ANOS1: variants seen among roughly 807,000 people sequenced by gnomAD.
The protein encoded by ANOS1 is anosmin-1.
A neutral mutation model predicts 59.0 loss-of-function variants in ANOS1; 6 were observed. That is an observed-to-expected ratio of 0.10 (90% CI 0.06 to 0.20). ANOS1 has a LOEUF of 0.20. ANOS1 is among the 10% of genes least tolerant of loss of function. The pLI, the probability that ANOS1 is intolerant of heterozygous loss-of-function variation, is 1.00. For synonymous variants in ANOS1, 217 were observed against 223.4 expected (o/e 0.97, Z 0.25); for missense variants, 433 against 542.3 (o/e 0.80, Z 2.00).
At chrX:8,678,209 T>C (rs1932366088) in intron 2 of ANOS1, among the ~76,000 whole-genome samples, 1 of 112,577 alleles carries the variant, frequency 8.9e-6, no homozygotes. Context: ...TCACTTTCAT[T>C]TGAGGAGTGA....
In ANOS1 at chrX:8,731,824, C is replaced by G; in HGVS notation, c.207+6G>C. On this transcript the variant is annotated splice_donor_region_variant and intron_variant, in intron 1 of 13. Coordinates refer to ENST00000262648, the MANE Select transcript of ANOS1 (RefSeq NM_000216.4). ...AGAAAGAACCCGGGCGGGGGCCTCC[C>G]CGTACCTGGAAGTGCTGGAAGAAGG... 7.6e-6 allele frequency: 9 copies of G among 1,187,867 alleles called. No homozygotes were observed. Among genetic ancestry groups the G allele is most frequent in the Non-Finnish European group, 1.0e-5 (9 of 884,504 alleles).
intron 2 of ANOS1, among the ~76,000 whole-genome samples, chrX:8,675,135 A>G (rs1371252947): frequency 9.0e-6 from 1 of 111,382 alleles, no homozygotes; most frequent in African/African-American, 3.3e-5. Flanking sequence ...TGTACATCCT[A>G]TACAAGAAAT....
chrX:8,583,080 G>C (rs1227898543), intron 6 of ANOS1, among the ~76,000 whole-genome samples: 2 of 109,508 alleles, frequency 1.8e-5, no homozygotes, highest in Non-Finnish European at 3.8e-5. Flanking sequence ...TCCAGAAAGA[G>C]AGTAATCATT....
chrX:8,596,501 C>T (rs73199026), intron 4 of ANOS1, among the ~76,000 whole-genome samples: 6,642 of 111,764 alleles, frequency 0.059, 190 homozygotes, highest in Admixed American at 0.12. Context: ...TTTGCTAAAC[C>T]GTTTGATAAA....
intron 1 of ANOS1, among the ~76,000 whole-genome samples, chrX:8,703,798 A>G (rs1327435981): frequency 8.9e-6 from 1 of 111,894 alleles, no homozygotes; most frequent in Non-Finnish European, 1.9e-5. Flanking sequence ...CAGGATTTTC[A>G]TTACACAAGA....
chrX:8,672,370 C>A (rs1293517916), intron 2 of ANOS1, among the ~76,000 whole-genome samples: 1 of 112,193 alleles, frequency 8.9e-6, no homozygotes, highest in Non-Finnish European at 1.9e-5. Flanking sequence ...GCTGAGGACA[C>A]CCTGCTGGTA....
At chrX:8,704,817 T>G (rs1257246417) in intron 1 of ANOS1, among the ~76,000 whole-genome samples, 1 of 111,789 alleles carries the variant, frequency 8.9e-6, no homozygotes, top group Non-Finnish European at 1.9e-5. Flanking sequence ...TTGTTGTCAT[T>G]TGCCATTATA....
At chrX:8,538,519 G>A (rs1929633617) in intron 10 of ANOS1, among the ~76,000 whole-genome samples, 1 of 111,654 alleles carries the variant, frequency 9.0e-6, no homozygotes, top group African/African-American at 3.3e-5. Flanking sequence ...ATAAGCCTAG[G>A]ATTGGGGAAT....
At chrX:8,714,821 C>G (rs1932832650) in intron 1 of ANOS1, among the ~76,000 whole-genome samples, 1 of 112,035 alleles carries the variant, frequency 8.9e-6, no homozygotes, top group Admixed American at 9.5e-5. Context: ...GTGATATATG[C>G]TTTTTCATTA....
At chrX:8,569,755 C>T (rs1325859338) in intron 7 of ANOS1, among the ~76,000 whole-genome samples, 2 of 112,137 alleles carry the variant, frequency 1.8e-5, no homozygotes, top group Non-Finnish European at 3.8e-5. Flanking sequence ...TTTAGCCTTG[C>T]TATCTTTTCA....
chrX:8,582,100 A>G (rs1930435260), intron 6 of ANOS1, among the ~76,000 whole-genome samples: 1 of 112,582 alleles, frequency 8.9e-6, no homozygotes, highest in South Asian at 3.6e-4. Context: ...TATGAAACAC[A>G]GAAACAGACA....
chrX:8,724,823 A>C (rs12855501), intron 1 of ANOS1, among the ~76,000 whole-genome samples: 1 of 112,299 alleles, frequency 8.9e-6, no homozygotes, highest in Admixed American at 9.4e-5. Flanking sequence ...TGTCATAACT[A>C]TTCATTTTAT....
chrX:8,686,531 T>C (rs916712586), intron 2 of ANOS1, among the ~76,000 whole-genome samples: 2 of 112,335 alleles, frequency 1.8e-5, no homozygotes, highest in Non-Finnish European at 3.8e-5. Flanking sequence ...TTGATTTAAG[T>C]TTTAGCTTTC....
At chrX:8,679,969 T>C (rs752439855) in intron 2 of ANOS1, among the ~76,000 whole-genome samples, 62 of 109,671 alleles carry the variant, frequency 5.7e-4, no homozygotes, top group Non-Finnish European at 8.9e-4. Flanking sequence ...GAGACCAGCC[T>C]GGCCAATGTG....
intron 1 of ANOS1, among the ~76,000 whole-genome samples, chrX:8,719,671 G>C (rs1249342923): frequency 8.9e-6 from 1 of 111,780 alleles, no homozygotes; most frequent in Non-Finnish European, 1.9e-5. Flanking sequence ...GAGAGCCACC[G>C]CACCTGGCCC....
chrX:8,590,107 C>T (rs1260420122), intron 4 of ANOS1, among the ~76,000 whole-genome samples: 7 of 111,329 alleles, frequency 6.3e-5, no homozygotes, highest in Non-Finnish European at 1.1e-4. Flanking sequence ...AACGTAGAAG[C>T]GAGGTTCTCT....
chrX:8,660,129 T>A (rs1932012228), intron 2 of ANOS1, among the ~76,000 whole-genome samples: 1 of 111,066 alleles, frequency 9.0e-6, no homozygotes, highest in Non-Finnish European at 1.9e-5. Flanking sequence ...GAGAAGGGGC[T>A]ACCTTCCTGC....
chrX:8,613,715 A>G (rs1299785049), intron 3 of ANOS1, among the ~76,000 whole-genome samples: 1 of 108,753 alleles, frequency 9.2e-6, no homozygotes, highest in Non-Finnish European at 1.9e-5. Flanking sequence ...AACATGGCTC[A>G]CTGCAGTCTC....
intron 8 of ANOS1, among the ~76,000 whole-genome samples, chrX:8,555,191 GAC>G (rs1386507079): frequency 9.0e-6 from 1 of 111,569 alleles, no homozygotes; most frequent in Non-Finnish European, 1.9e-5. Context: ...TGAGAACAAA[GAC>G]ACAATGTACC....
Sources: gnomAD v4.1 joint callset for allele counts (sites outside exome capture counted in the v4.1 genomes callset) on GRCh38, gnomAD v4.1.1 for gene constraint, MANE v1.5 for transcripts, NCBI Gene and HGNC (gene_info 2026-07-23, HGNC 2026-07-21) for gene names.